SYCP1: variants seen among roughly 807,000 people sequenced by gnomAD.
SYCP1 encodes the protein synaptonemal complex protein 1, also known as cancer/testis antigen 8.
In SYCP1, 64 loss-of-function variants were observed where a neutral mutation model predicts 153.1. That is an observed-to-expected ratio of 0.42 (90% confidence interval 0.34 to 0.51). The LOEUF is 0.51. Among genes scored for constraint, SYCP1 ranks in the 20% least tolerant of loss-of-function variants. The pLI is 0.06. For missense variants in SYCP1, 997 were observed against 1,049.0 expected, an observed-to-expected ratio of 0.95 and a Z score of 0.68; for synonymous variants, 384 against 341.8, an observed-to-expected ratio of 1.12 and a Z score of -1.36.
chr1:114,930,460 A>T (rs773081317), intron 23 of SYCP1, among the ~76,000 whole-genome samples: 12 of 152,150 alleles, frequency 7.9e-5, no homozygotes, highest in Non-Finnish European at 1.6e-4. Context: ...ACTGCAGGCA[A>T]GAATGAAAGA....
At chr1:114,875,469 C>T (rs925113664) in intron 9 of SYCP1, among the ~76,000 whole-genome samples, 10 of 152,094 alleles carry the variant, frequency 6.6e-5, no homozygotes, top group African/African-American at 2.2e-4. Flanking sequence ...CCGTGTTAGC[C>T]AGGATGGTGT....
intron 19 of SYCP1, 77 bp downstream of exon 19, chr1:114,913,227 C>CTTTG: frequency 8.6e-7 from 1 of 1,161,860 alleles, no homozygotes; most frequent in South Asian, 1.4e-5. Context: ...TCTAAAGACC[C>CTTTG]TTTGACCTTT....
intron 23 of SYCP1, among the ~76,000 whole-genome samples, chr1:114,943,172 A>G (rs546197468): frequency 6.6e-6 from 1 of 152,094 alleles, no homozygotes; most frequent in South Asian, 2.1e-4. Flanking sequence ...ATTGGTATAA[A>G]TGCATATGGA....
chr1:114,912,791 ATATAT>A (rs1295177380), intron 18 of SYCP1, among the ~76,000 whole-genome samples: 3 of 151,980 alleles, frequency 2.0e-5, no homozygotes. Flanking sequence ...ATGCAAGGAA[ATATAT>A]TGTATGACAT....
At chr1:114,899,723 A>T (rs1667293834) in intron 16 of SYCP1, among the ~76,000 whole-genome samples, 2 of 152,334 alleles carry the variant, frequency 1.3e-5, no homozygotes, top group African/African-American at 4.8e-5. Flanking sequence ...AATCCCATAC[A>T]ATTTGGGAAC....
chr1:114,939,942 T>C (rs1670279470), intron 23 of SYCP1, among the ~76,000 whole-genome samples: 1 of 152,210 alleles, frequency 6.6e-6, no homozygotes, highest in African/African-American at 2.4e-5. Context: ...CTGGGTTTCA[T>C]CCAGTTCATC....
At chr1:114,879,881 T>C (rs1259946686) in intron 12 of SYCP1, among the ~76,000 whole-genome samples, 3 of 152,202 alleles carry the variant, frequency 2.0e-5, no homozygotes, top group Non-Finnish European at 2.9e-5. Context: ...TTTAAATCTA[T>C]CTACTGAATT....
chr1:114,967,411 C>G (rs926165497), intron 27 of SYCP1, among the ~76,000 whole-genome samples: 4 of 152,190 alleles, frequency 2.6e-5, no homozygotes, highest in African/African-American at 7.2e-5. Flanking sequence ...GCATTGATCC[C>G]TTTACCATTA....
chr1:114,926,436 AAGTC>A, intron 22 of SYCP1, 61 bp from the exon 23 acceptor site: 1 of 1,494,554 alleles, frequency 6.7e-7, no homozygotes, highest in Admixed American at 2.2e-5. Context: ...ATTTAAGTCT[AAGTC>A]AGTAGCAAGG....
intron 27 of SYCP1, among the ~76,000 whole-genome samples, chr1:114,964,545 T>C (rs980043778): frequency 1.3e-5 from 2 of 152,194 alleles, no homozygotes; most frequent in African/African-American, 4.8e-5. Context: ...CTTGAGTTAA[T>C]TTTTGTATAA....
chr1:114,911,834 G>C (rs77164528), intron 18 of SYCP1, among the ~76,000 whole-genome samples: 4,760 of 151,940 alleles, frequency 0.031, 125 homozygotes, highest in Non-Finnish European at 0.042. Flanking sequence ...GAGGTATTTA[G>C]TTCCCCATAA....
intron 8 of SYCP1, among the ~76,000 whole-genome samples, chr1:114,873,446 C>T (rs1358396323): frequency 6.6e-6 from 1 of 152,116 alleles, no homozygotes; most frequent in Non-Finnish European, 1.5e-5. Flanking sequence ...TCCCATTTTC[C>T]ATCTGGATGG....
At chr1:114,989,134 T>C (rs1399569323) in intron 30 of SYCP1, among the ~76,000 whole-genome samples, 2 of 151,886 alleles carry the variant, frequency 1.3e-5, no homozygotes, top group African/African-American at 2.4e-5. Flanking sequence ...ACCACTGACC[T>C]CCAGCCTGGG....
intron 23 of SYCP1, among the ~76,000 whole-genome samples, chr1:114,941,259 C>T (rs1309387396): frequency 1.3e-5 from 2 of 152,046 alleles, no homozygotes; most frequent in Non-Finnish European, 2.9e-5. Context: ...CAAAGTTCAA[C>T]TGTATACTTA....
chr1:114,855,604 T>G, intron 2 of SYCP1, 32 bp downstream of exon 2: 6 of 1,493,106 alleles, frequency 4.0e-6, no homozygotes, highest in Non-Finnish European at 4.6e-6. Context: ...AATTGGACTC[T>G]TCTTAACTTT....
At chr1:114,978,797 T>G (rs539256523) in intron 28 of SYCP1, among the ~76,000 whole-genome samples, 4 of 151,642 alleles carry the variant, frequency 2.6e-5, no homozygotes, top group Admixed American at 2.0e-4. Context: ...GACACTGTGC[T>G]AGACACTTGA....
chr1:114,882,308 G>A (rs1177893161), intron 12 of SYCP1, among the ~76,000 whole-genome samples: 1 of 152,102 alleles, frequency 6.6e-6, no homozygotes, highest in Non-Finnish European at 1.5e-5. Context: ...TATTTCAACA[G>A]TTTTGCCTTT....
chr1:114,879,192 G>A (rs1393369559), intron 12 of SYCP1, among the ~76,000 whole-genome samples: 3 of 151,982 alleles, frequency 2.0e-5, no homozygotes, highest in Non-Finnish European at 4.4e-5. Flanking sequence ...TTTTTTAAAC[G>A]GCAGGACACT....
intron 30 of SYCP1, among the ~76,000 whole-genome samples, chr1:114,985,776 TA>T (rs1673458079): frequency 6.6e-6 from 1 of 151,876 alleles, no homozygotes; most frequent in African/African-American, 2.4e-5. Flanking sequence ...AACCAGGTAC[TA>T]TTGTAAACAC....
Sources: gnomAD v4.1 joint callset for allele counts (sites outside exome capture counted in the v4.1 genomes callset) on GRCh38, gnomAD v4.1.1 for gene constraint, MANE v1.5 for transcripts, NCBI Gene and HGNC (gene_info 2026-07-23, HGNC 2026-07-21) for gene names.